Variants in KMT2B observed in about 807,000 individuals in gnomAD.
KMT2B encodes histone-lysine N-methyltransferase 2B.
In KMT2B, 22 loss-of-function variants were observed where a neutral mutation model predicts 255.3. That is an observed-to-expected ratio of 0.09 (90% CI 0.06 to 0.12). The LOEUF (loss-of-function observed/expected upper bound fraction) is 0.12. Ranked by LOEUF, KMT2B falls within the 10% of genes least tolerant of loss-of-function variation. The pLI is 1.00. For missense variants in KMT2B, 3,149 were observed against 3,737.0 expected (o/e 0.84, Z 4.10); for synonymous variants, 1,730 against 1,498.1 (o/e 1.15, Z -3.57).
At chr19:35,734,457 G>C (rs1394484798) in intron 30 of KMT2B, among the ~76,000 whole-genome samples, 1 of 152,216 alleles carries the variant, frequency 6.6e-6, no homozygotes, top group African/African-American at 2.4e-5. Flanking sequence ...GTTCAGCTAA[G>C]GATCGGGAGC....
Position 35,733,528 on chromosome 19 carries a change from C to G in KMT2B, c.6959+20C>G. 6.4e-7 allele frequency: 1 copy of G among 1,553,496 alleles called. No homozygotes were observed. The highest frequency in any genetic ancestry group is 2.4e-5 in the East Asian group (1 of 41,092). Reference sequence around the variant, plus strand: ...TGGCGGGTGAGTGCGGGTGCTGAGGCTGGCAGAGCAGGCAAGGGGGCAGAT... The same window carrying G: ...TGGCGGGTGAGTGCGGGTGCTGAGGGTGGCAGAGCAGGCAAGGGGGCAGAT... On this transcript the variant is annotated intron_variant, in intron 28 of 36. Transcript: ENST00000420124. This position sits in a 1 kb window ranked among gnomAD's most constrained non-coding sequence, Gnocchi z 4.3.
rs1270944810 is a variant in KMT2B at position 35,732,130 on chromosome 19, C to G, written c.5660C>G (p.Ser1887Cys). ...LGGVSFGPLP[S>C]PGSPSSLTHH... ...GGTGTCTCCTTTGGCCCCCTGCCCT[C>G]CCCTGGTGAGCACCGGGCATGTGGG... The change falls in exon 27 of 37, where the codon TCC becomes TGC. Residue 1887 changes from serine to cysteine, a missense_variant. Around this residue, in one of 18 missense-constraint regions of KMT2B, gnomAD observed 897 missense variants for 825.3 expected, o/e 1.09. Transcript: ENST00000420124. The G allele has an allele frequency of 1.3e-6, 2 of 1,590,586 alleles. No homozygotes were observed. The highest frequency in any genetic ancestry group is 2.7e-5 in the African/African-American group (2 of 74,126).
Position 35,727,945 on chromosome 19 carries a change from A to T in KMT2B, c.4457A>T (p.Asp1486Val). The change falls in exon 18 of 37, where the codon GAC (aspartate) becomes GTC (valine). Residue 1486 changes from aspartate to valine, a missense_variant. By Grantham distance (152) the Asp-to-Val change is radical (BLOSUM62 -3). Coordinates refer to ENST00000420124, the MANE Select transcript of KMT2B (RefSeq NM_014727.3). This position sits in a 1 kb window ranked among gnomAD's most constrained non-coding sequence, Gnocchi z 4.2. ...MRHSEEGETP[D>V]RRAGGQMKGL... ...CACTCGGAGGAGGGAGAGACCCCGG[A>T]CCGCCGGGCTGGAGGCCAGATGAAG... The T allele has an allele frequency of 6.3e-7, 1 of 1,590,112 alleles. No individual in the cohort carries two copies. Among genetic ancestry groups the T allele is most frequent in the Non-Finnish European group, 8.6e-7 (1 of 1,166,350 alleles).
rs372982681 is a variant in KMT2B at position 35,721,427 on chromosome 19, C to T, written c.2080C>T (p.Arg694Trp). The T allele has an allele frequency of 1.7e-5, 28 of 1,611,862 alleles. No homozygotes were observed. The highest frequency in any genetic ancestry group is 4.0e-5 in the African/African-American group (3 of 74,838). ...TGACTCTCCAGCTGAGCCTGAGCCT[C>T]GGGCAGTGGGCCGCACCAACCACCT... ...ADDSPAEPEP[R>W]AVGRTNHLSL... is the part of the protein sequence containing the mutation. Residue 694 changes from arginine to tryptophan, a missense_variant, in exon 3 of 37, where the codon CGG becomes TGG. Arg to Trp is a moderately radical substitution (Grantham distance 101). Transcript: ENST00000420124.
At position 35,738,688 on chromosome 19, in the gene KMT2B, C is replaced by T; in HGVS notation, c.*131C>T. 1.4e-5 allele frequency: 15 copies of T among 1,059,644 alleles called. No individual in the cohort carries two copies. The highest frequency in any genetic ancestry group is 2.7e-5 in the Admixed American group (1 of 36,844). The allele number at this position is 1,059,644 out of a possible 1,614,324, so 65.6% of individuals were successfully genotyped here. On this transcript the variant is annotated 3_prime_UTR_variant, in exon 37 of 37. Transcript: ENST00000420124. The surrounding 1 kb of genome is among the most constrained non-coding windows in gnomAD (Gnocchi z 8.7). ...CCCTCATGTTCAGGGTGGATGTGGG[C>T]ATGCAGGTGACAAGGGCCCTGCCTC...
Position 35,723,605 on chromosome 19 carries a change from C to A in KMT2B, c.3058+103C>A. ...CTCCTCCCTTGCAGCTCACCCTCTC[C>A]ATCTTCTCCGTTGTGTGCTTTCATA... On this transcript the variant is annotated intron_variant, in intron 7 of 36. Coordinates refer to ENST00000420124, the MANE Select transcript of KMT2B (RefSeq NM_014727.3). The surrounding 1 kb of genome is among the most constrained non-coding windows in gnomAD (Gnocchi z 7.5). The A allele has an allele frequency of 7.7e-7, 1 of 1,302,820 alleles. No homozygotes were observed. The highest frequency in any genetic ancestry group is 1.4e-5 in the South Asian group (1 of 69,636). The allele number at this position is 1,302,820 out of a possible 1,614,324, so 80.7% of individuals were successfully genotyped here. A position where few individuals can be genotyped will look rare whatever the true frequency, so the allele number is the denominator to read the frequency against.
chr19:35,730,213 A>C lies in KMT2B; in HGVS notation c.5076+88A>C, dbSNP rs560713952. The C allele has an allele frequency of 3.8e-6, 6 of 1,599,084 alleles. No homozygotes were observed. The Admixed American group carries it at 6.7e-5, about 18-fold the overall frequency. ...CCCCGTGGCCCCCAGGCCTGGCCCT[A>C]CTGCCTCTCAGTGTCTCCTCATCTG... On this transcript the variant is annotated intron_variant, in intron 23 of 36. Transcript: ENST00000420124.
rs552566793 is a variant in KMT2B at position 35,723,615 on chromosome 19, G to C, written c.3058+113G>C. 2 of 1,297,048 alleles carry C rather than the reference G, an allele frequency of 1.5e-6. No individual in the cohort carries two copies. The highest frequency in any genetic ancestry group is 2.5e-5 in the East Asian group (1 of 39,652). The allele number at this position is 1,297,048 out of a possible 1,614,324, so 80.3% of individuals were successfully genotyped here. ...GCAGCTCACCCTCTCCATCTTCTCC[G>C]TTGTGTGCTTTCATAGCTCCTGCGT... On this transcript the variant is annotated intron_variant, in intron 7 of 36. Coordinates refer to ENST00000420124, the MANE Select transcript of KMT2B (RefSeq NM_014727.3). This position sits in a 1 kb window ranked among gnomAD's most constrained non-coding sequence, Gnocchi z 7.5.
At position 35,718,496 on chromosome 19, in the gene KMT2B, G is replaced by A; in HGVS notation, c.363+115G>A. The stretch of plus-strand genomic sequence containing the variant: ...GCCGGGTCCTCAGGGTTCCTTCGGA[G>A]AGACGGGGCACGGAGGGAGGGCGGC... On this transcript the variant is annotated intron_variant, in intron 1 of 36. Coordinates refer to ENST00000420124, the MANE Select transcript of KMT2B (RefSeq NM_014727.3). The surrounding 1 kb of genome is among the most constrained non-coding windows in gnomAD (Gnocchi z 5.0). 2 of 1,139,922 alleles carry A rather than the reference G, an allele frequency of 1.8e-6. No homozygotes were observed. The allele number at this position is 1,139,922 out of a possible 1,614,324, so 70.6% of individuals were successfully genotyped here.
chr19:35,722,369 G>A lies in KMT2B; in HGVS notation c.2468G>A (p.Gly823Glu). The A allele has an allele frequency of 6.2e-7, 1 of 1,609,786 alleles. No homozygotes were observed. The highest frequency in any genetic ancestry group is 8.5e-7 in the Non-Finnish European group (1 of 1,179,512). The change falls in exon 4 of 37, where the codon GGA becomes GAA. Residue 823 changes from glycine (G) to glutamate (E), a missense_variant. Gly to Glu is a moderately conservative substitution (Grantham distance 98, BLOSUM62 -2). Around this residue, in one of 18 missense-constraint regions of KMT2B, gnomAD observed 1,188 missense variants for 1,106.4 expected, o/e 1.07. Transcript: ENST00000420124. The part of the protein sequence containing the change: ...KVAASMPLSP[G>E]GQMEEVAGAV... ...TTTATTCCCTGCCAGCTGAGCCCTGGAGGGCAGATGGAGGAGGTGGCCGGG... is the reference window on the plus strand; with the variant it reads ...TTTATTCCCTGCCAGCTGAGCCCTGAAGGGCAGATGGAGGAGGTGGCCGGG...
chr19:35,736,633 A>G (rs1010093364), intron 30 of KMT2B, 57 bp from the exon 31 acceptor site: 8 of 1,598,730 alleles, frequency 5.0e-6, no homozygotes, highest in African/African-American at 1.3e-5. Flanking sequence ...AGCGGGGCTC[A>G]GGGGCTTTTG....
rs1013970857 is a variant in KMT2B at position 35,718,252 on chromosome 19, C to G, written c.234C>G (p.Arg78=). The G allele has an allele frequency of 1.1e-5, 13 of 1,201,588 alleles. No homozygotes were observed. In the Admixed American group the frequency reaches 5.0e-4, roughly 46 times the overall value. 74.4% of individuals were successfully genotyped at this position (1,201,588 alleles called of 1,614,324 possible). ...LRLLGLRRGL[R]RLRRLWAGPR... ...TGCTGGGGCTCCGCCGGGGCCTGCGCCGGCTCCGCCGCCTGTGGGCCGGCC... is the reference window on the plus strand; with the variant it reads ...TGCTGGGGCTCCGCCGGGGCCTGCGGCGGCTCCGCCGCCTGTGGGCCGGCC... The change falls in exon 1 of 37, where the codon CGC becomes CGG. Residue 78 remains arginine, a synonymous_variant. Transcript: ENST00000420124. The surrounding 1 kb of genome is among the most constrained non-coding windows in gnomAD (Gnocchi z 5.0).
At chr19:35,728,919 G>A (rs1396560452) in intron 20 of KMT2B, 30 bp downstream of exon 20, 2 of 1,612,236 alleles carry the variant, frequency 1.2e-6, no homozygotes, top group Non-Finnish European at 1.7e-6. Context: ...CAGAAGCCAG[G>A]GCCCTGTGTT....
Position 35,727,525 on chromosome 19 carries a change from G to A in KMT2B, c.4205G>A (p.Arg1402Gln), listed in dbSNP as rs746495710. The change falls in exon 16 of 37, where the codon CGA becomes CAA. Residue 1402 changes from arginine to glutamine, a missense_variant. By Grantham distance (43) the Arg-to-Gln change is conservative. This residue lies in a region of KMT2B where 377 missense variants were observed against 471.0 expected (regional missense o/e 0.80). Transcript: ENST00000420124. This position sits in a 1 kb window ranked among gnomAD's most constrained non-coding sequence, Gnocchi z 4.2. ...PCAGAAQPRW[R>Q]EALSGALQGG... is the part of the protein sequence containing the mutation. Reference sequence around the variant, plus strand: ...GCTGGGGCAGCGCAGCCCCGCTGGCGAGAGGCCCTGAGCGGGGCCCTCCAG... The same window carrying A: ...GCTGGGGCAGCGCAGCCCCGCTGGCAAGAGGCCCTGAGCGGGGCCCTCCAG... 9 of 1,609,774 alleles carry A rather than the reference G, an allele frequency of 5.6e-6. No individual in the cohort carries two copies. Among genetic ancestry groups the A allele is most frequent in the Non-Finnish European group, 7.6e-6 (9 of 1,179,652 alleles).
In KMT2B at chr19:35,732,450, A is replaced by G; in HGVS notation, c.5901A>G (p.Pro1967=). The change falls in exon 28 of 37, where the codon CCA becomes CCG. Residue 1967 remains proline (P), a synonymous_variant. Transcript: ENST00000420124. The stretch of plus-strand genomic sequence containing the variant: ...CTCCCCCTGGCCCGGCCCCATCTCC[A>G]CCACCCCCTGAAGACCTGGGCCCAG... The part of the protein sequence containing the change: ...ELAPPGPAPS[P]PPPEDLGPDF... 6.2e-7 allele frequency: 1 copy of G among 1,613,064 alleles called. No individual in the cohort carries two copies. The highest frequency in any genetic ancestry group is 8.5e-7 in the Non-Finnish European group (1 of 1,179,602).
rs1969497837 is a variant in KMT2B, at chr19:35,727,339, A to G, written c.4117+70A>G. 1 of 1,569,998 alleles carries G rather than the reference A, an allele frequency of 6.4e-7. No individual in the cohort carries two copies. The highest frequency in any genetic ancestry group is 1.4e-5 in the African/African-American group (1 of 74,042). On this transcript the variant is annotated intron_variant, in intron 15 of 36. Coordinates refer to ENST00000420124, the MANE Select transcript of KMT2B (RefSeq NM_014727.3). This position sits in a 1 kb window ranked among gnomAD's most constrained non-coding sequence, Gnocchi z 4.2. Reference sequence around the variant, plus strand: ...ACCCCTGCCCCCACCACAGGCCCCAAGAGGACTGGTGGGCTAAGGGTCCTT... The same window carrying G: ...ACCCCTGCCCCCACCACAGGCCCCAGGAGGACTGGTGGGCTAAGGGTCCTT...
At chr19:35,734,853 C>CA (rs1040097473) in intron 30 of KMT2B, among the ~76,000 whole-genome samples, 9 of 152,138 alleles carry the variant, frequency 5.9e-5, no homozygotes, top group African/African-American at 1.9e-4. Context: ...TCTCATGACA[C>CA]ACAGCTCAGT....
rs764567889 is a variant in KMT2B, at chr19:35,725,748, G to A, written c.3815G>A (p.Arg1272His). ...SKHLLECERC[R>H]HAYHPACLGP... ...CACCTCCTGGAGTGCGAGCGCTGCC[G>A]CCATGCATACCACCCGGCCTGTCTG... Residue 1272 changes from arginine to histidine, a missense_variant, in exon 13 of 37, where the codon CGC (arginine) becomes CAC (histidine). Physicochemically the swap from Arg to His is conservative, Grantham distance 29. Around this residue, in one of 18 missense-constraint regions of KMT2B, gnomAD observed 377 missense variants for 471.0 expected, o/e 0.80. Coordinates refer to ENST00000420124, the MANE Select transcript of KMT2B (RefSeq NM_014727.3). This position sits in a 1 kb window ranked among gnomAD's most constrained non-coding sequence, Gnocchi z 4.1. 2.5e-6 allele frequency: 4 copies of A among 1,605,890 alleles called. No homozygotes were observed. The highest frequency in any genetic ancestry group is 1.3e-5 in the African/African-American group (1 of 74,748).
At chr19:35,736,625 C>G in intron 30 of KMT2B, 65 bp from the exon 31 acceptor site, 1 of 1,584,776 alleles carries the variant, frequency 6.3e-7, no homozygotes, top group African/African-American at 1.3e-5. Flanking sequence ...GGGAGCACAG[C>G]GGGGCTCAGG....
Sources: allele counts gnomAD v4.1 joint callset (sites outside exome capture counted in the v4.1 genomes callset), GRCh38; gene constraint gnomAD v4.1.1; regional missense constraint gnomAD v4.1.1; non-coding constraint Gnocchi (gnomAD v3.1); transcripts MANE v1.5; gene names NCBI Gene and HGNC (gene_info 2026-07-23, HGNC 2026-07-21).